The following DMD variants were observed in gnomAD, a reference collection of about 807,000 sequenced individuals.
The protein encoded by DMD is dystrophin.
Under a neutral mutation model 330.1 loss-of-function variants are expected in DMD, and 63 were observed. The observed-to-expected ratio is 0.19, with a 90% CI of 0.16 to 0.24. The LOEUF (loss-of-function observed/expected upper bound fraction) is 0.24, where lower values mean the gene tolerates loss of function less well. Ranked by LOEUF, DMD falls within the 10% of genes least tolerant of loss-of-function variation. The pLI, the probability that DMD is intolerant of heterozygous loss-of-function variation, is 1.00. For missense variants in DMD, 3,344 were observed against 2,684.1 expected (o/e 1.25, Z -5.43); for synonymous variants, 1,223 against 959.8 (o/e 1.27, Z -5.07).
intron 9 of DMD, among the ~76,000 whole-genome samples, chrX:32,666,226 C>A (rs1207392166): frequency 9.0e-6 from 1 of 110,974 alleles, no homozygotes; most frequent in East Asian, 2.8e-4. Flanking sequence ...TTCTGGGATA[C>A]ATGTGCAGAA....
intron 2 of DMD, among the ~76,000 whole-genome samples, chrX:32,967,816 G>A (rs909383723): frequency 8.9e-6 from 1 of 111,817 alleles, no homozygotes; most frequent in Non-Finnish European, 1.9e-5. Context: ...CATGGAGATA[G>A]TTCAACTGAA....
intron 1 of DMD, among the ~76,000 whole-genome samples, chrX:33,137,628 A>C (rs1321578506): frequency 8.9e-6 from 1 of 111,888 alleles, no homozygotes; most frequent in Non-Finnish European, 1.9e-5. Context: ...CTATTTCAGC[A>C]CACTAAAAAA....
Position 32,699,180 on chromosome X carries a change from G to A in DMD, c.763C>T (p.Pro255Ser). ...IEAIQEVEML[P>S]RPPKVTKEEH... is the part of the protein sequence containing the mutation. ...TCTTTAGTCACTTTAGGTGGCCTTG[G>A]CAACATTTCCACTTCCTGGATGGCT... The change falls in exon 8 of 79, where the codon CCA (proline) becomes TCA (serine). Residue 255 changes from proline to serine, a missense_variant. Coordinates refer to ENST00000357033, the MANE Select transcript of DMD (RefSeq NM_004006.3). 2 of 1,209,836 alleles carry A rather than the reference G, an allele frequency of 1.7e-6. No homozygotes were observed. Among genetic ancestry groups the A allele is most frequent in the Non-Finnish European group, 2.2e-6 (2 of 894,002 alleles).
chrX:31,507,884 A>C (rs185015413), intron 55 of DMD, among the ~76,000 whole-genome samples: 33 of 111,915 alleles, frequency 2.9e-4, no homozygotes, highest in African/African-American at 1.0e-3. Context: ...TAATCTGTAG[A>C]GTTAACTCTG....
At chrX:31,537,735 G>A (rs1231332534) in intron 55 of DMD, among the ~76,000 whole-genome samples, 1 of 111,119 alleles carries the variant, frequency 9.0e-6, no homozygotes, top group Non-Finnish European at 1.9e-5. Context: ...TCTAACTCCT[G>A]CTTCTCTTCA....
chrX:32,469,694 A>G (rs1603634234), intron 22 of DMD, among the ~76,000 whole-genome samples: 1 of 111,564 alleles, frequency 9.0e-6, no homozygotes, highest in Non-Finnish European at 1.9e-5. Flanking sequence ...TTTTAGTGTG[A>G]GCATTTGCCC....
Position 31,266,130 on chromosome X carries a change from G to A in DMD, c.9225-5114C>T, listed in dbSNP as rs1175201316. Reference sequence around the variant, plus strand: ...TGGAGAAATGCGAGAGAACACCCTAGAAATGACTCCACACCCAATCCCGAA... The same window carrying A: ...TGGAGAAATGCGAGAGAACACCCTAAAAATGACTCCACACCCAATCCCGAA... On this transcript the variant is annotated intron_variant, in intron 62 of 78. Transcript: ENST00000357033. Among the ~76,000 whole-genome samples the A allele has an allele frequency of 6.0e-5, 4 of 67,111 alleles. No individual in the cohort carries two copies. In the Admixed American group the frequency reaches 1.0e-3, roughly 17 times the overall value. 58.3% of individuals were successfully genotyped at this position (67,111 alleles called of 115,157 possible). A position where few individuals can be genotyped will look rare whatever the true frequency, so the allele number is the denominator to read the frequency against.
At chrX:32,606,738 T>G (rs1194511684) in intron 12 of DMD, among the ~76,000 whole-genome samples, 1 of 53,256 alleles carries the variant, frequency 1.9e-5, no homozygotes, top group Non-Finnish European at 3.9e-5. Context: ...TATATATATA[T>G]ATATACACAC....
At chrX:31,413,698 G>A (rs748133055) in intron 60 of DMD, among the ~76,000 whole-genome samples, 262 of 111,588 alleles carry the variant, frequency 2.3e-3, no homozygotes, top group Non-Finnish European at 4.1e-3. Context: ...TCCTCCTTGG[G>A]CATGGTTATT....
intron 41 of DMD, among the ~76,000 whole-genome samples, chrX:32,320,649 C>A (rs17309303): frequency 0.021 from 2,334 of 111,459 alleles, 34 homozygotes; most frequent in Non-Finnish European, 0.035. Flanking sequence ...AGTCTCTGTC[C>A]AAAGGGCTGT....
intron 2 of DMD, among the ~76,000 whole-genome samples, chrX:32,964,553 C>T (rs887272897): frequency 9.2e-6 from 1 of 109,099 alleles, no homozygotes; most frequent in African/African-American, 3.4e-5. Flanking sequence ...ACTAAAAATA[C>T]AAAAATTAGC....
chrX:32,558,925 A>G (rs1485815232), intron 16 of DMD, among the ~76,000 whole-genome samples: 1 of 94,883 alleles, frequency 1.1e-5, no homozygotes, highest in Admixed American at 1.2e-4. Context: ...TTTGAGATGT[A>G]ACTTCAAATT....
At chrX:31,931,978 T>A in intron 46 of DMD, 102 bp downstream of exon 46, 1 of 984,852 alleles carries the variant, frequency 1.0e-6, no homozygotes, top group East Asian at 3.1e-5. Flanking sequence ...CAAGGAACTA[T>A]GAATAACCTA....
chrX:32,211,030 G>C (rs2097091912), intron 44 of DMD, among the ~76,000 whole-genome samples: 1 of 111,840 alleles, frequency 8.9e-6, no homozygotes, highest in Non-Finnish European at 1.9e-5. Flanking sequence ...GTAAGGTAAA[G>C]CTGAAGAGCA....
At chrX:32,002,417 T>C (rs2095633212) in intron 44 of DMD, among the ~76,000 whole-genome samples, 1 of 111,887 alleles carries the variant, frequency 8.9e-6, no homozygotes, top group Non-Finnish European at 1.9e-5. Context: ...ATCCTCCTTC[T>C]AGGACTGAGA....
chrX:31,474,717 T>A (rs7876095), intron 59 of DMD, among the ~76,000 whole-genome samples: 7,320 of 82,084 alleles, frequency 0.089, 394 homozygotes, highest in African/African-American at 0.16. Flanking sequence ...AAAAAAAAAA[T>A]AAAATAAAAT....
intron 17 of DMD, among the ~76,000 whole-genome samples, chrX:32,538,143 G>A (rs2048161209): frequency 8.9e-6 from 1 of 112,188 alleles, no homozygotes; most frequent in African/African-American, 3.2e-5. Context: ...AACCTGCCCA[G>A]GAATAGATGG....
intron 1 of DMD, among the ~76,000 whole-genome samples, chrX:33,111,446 C>T (rs1383362335): frequency 8.9e-6 from 1 of 112,072 alleles, no homozygotes; most frequent in Non-Finnish European, 1.9e-5. Flanking sequence ...AGCCTGATGT[C>T]ATATAAACCA....
Position 32,114,679 on chromosome X carries a change from C to A in DMD, c.6438+102237G>T, listed in dbSNP as rs1367071273. Among the ~76,000 whole-genome samples the A allele has an allele frequency of 3.6e-5, 4 of 112,143 alleles. No homozygotes were observed. In the South Asian group the frequency reaches 1.1e-3, roughly 31 times the overall value. On this transcript the variant is annotated intron_variant, in intron 44 of 78. Coordinates refer to ENST00000357033, the MANE Select transcript of DMD (RefSeq NM_004006.3). Reference sequence around the variant, plus strand: ...TGTTGGAGAAGAGACTACTCTGATTCCTTCACAGATTTTACTGTACCTATC... The same window carrying A: ...TGTTGGAGAAGAGACTACTCTGATTACTTCACAGATTTTACTGTACCTATC...
Sources: allele counts gnomAD v4.1 joint callset (sites outside exome capture counted in the v4.1 genomes callset), GRCh38; gene constraint gnomAD v4.1.1; transcripts MANE v1.5; gene names NCBI Gene and HGNC (gene_info 2026-07-23, HGNC 2026-07-21).